LOC400499: variants seen among roughly 807,000 people sequenced by gnomAD.
chr16:11,460,162 G>C, the LOC400499 span: 4 of 998,868 alleles, frequency 4.0e-6, no homozygotes, highest in African/African-American at 6.6e-5. Context: ...TTTCAGAAGA[G>C]ACGGTTCTGT....
chr16:11,376,986 C>A, the LOC400499 span, among the ~76,000 whole-genome samples: 1 of 147,442 alleles, frequency 6.8e-6, no homozygotes, highest in East Asian at 2.0e-4. Flanking sequence ...GTTGCCCAGG[C>A]TGGAGTACAG....
the LOC400499 span, chr16:11,430,969 T>C: frequency 2.5e-6 from 1 of 398,666 alleles, no homozygotes; most frequent in Non-Finnish European, 4.4e-6. Flanking sequence ...TGGGTGGAAA[T>C]GAATCTACCT....
At chr16:11,424,066 C>A in the LOC400499 span, 5 of 399,232 alleles carry the variant, frequency 1.3e-5, no homozygotes, top group Middle Eastern at 6.3e-4. Context: ...CTGGGACCCA[C>A]TGGCCCCCGA....
At chr16:11,400,027 C>T in the LOC400499 span, among the ~76,000 whole-genome samples, 330 of 150,662 alleles carry the variant, frequency 2.2e-3, 1 homozygote, top group African/African-American at 7.5e-3. Context: ...AGCTCAGAGC[C>T]ATTCCCAGGC....
chr16:11,486,702 G>A, the LOC400499 span, among the ~76,000 whole-genome samples: 2 of 122,312 alleles, frequency 1.6e-5, no homozygotes, highest in Non-Finnish European at 3.4e-5. Flanking sequence ...TGATGGGTGG[G>A]TGGTAGGATG....
At chr16:11,382,363 G>A in the LOC400499 span, among the ~76,000 whole-genome samples, 6 of 152,184 alleles carry the variant, frequency 3.9e-5, 1 homozygote, top group South Asian at 4.1e-4. Context: ...TCTGGCATCT[G>A]AAGCTCTTGG....
the LOC400499 span, among the ~76,000 whole-genome samples, chr16:11,376,738 G>A: frequency 1.3e-5 from 2 of 152,094 alleles, no homozygotes; most frequent in African/African-American, 4.8e-5. Flanking sequence ...AAATGCCACT[G>A]GGATTTTGAT....
chr16:11,493,296 T>C, the LOC400499 span, among the ~76,000 whole-genome samples: 6 of 152,182 alleles, frequency 3.9e-5, no homozygotes, highest in African/African-American at 9.7e-5. Context: ...AAAGCAGCCA[T>C]AGATAACACC....
the LOC400499 span, among the ~76,000 whole-genome samples, chr16:11,439,914 T>G: frequency 1.3e-5 from 2 of 152,028 alleles, no homozygotes; most frequent in African/African-American, 2.4e-5. Context: ...AGGTTCACAA[T>G]GACCACCTCA....
chr16:11,406,786 C>T, the LOC400499 span, among the ~76,000 whole-genome samples: 1 of 152,226 alleles, frequency 6.6e-6, no homozygotes, highest in Non-Finnish European at 1.5e-5. Context: ...GCTCATGTGT[C>T]GTCTCTTCAG....
chr16:11,450,561 C>G, the LOC400499 span: 1 of 1,514,194 alleles, frequency 6.6e-7, no homozygotes, highest in Non-Finnish European at 8.9e-7. Flanking sequence ...AGAAAAAGAT[C>G]TCAGTGGCAG....
the LOC400499 span, among the ~76,000 whole-genome samples, chr16:11,466,582 T>A: frequency 1.3e-5 from 2 of 151,880 alleles, no homozygotes; most frequent in South Asian, 4.2e-4. Context: ...AGAGACGGGG[T>A]TTTGCCATGT....
At chr16:11,493,593 G>C in the LOC400499 span, 1 of 395,848 alleles carries the variant, frequency 2.5e-6, no homozygotes, top group Non-Finnish European at 4.5e-6. Flanking sequence ...TGTGGTTCGA[G>C]ACCCACCACC....
At chr16:11,482,227 A>C in the LOC400499 span, among the ~76,000 whole-genome samples, 1 of 152,164 alleles carries the variant, frequency 6.6e-6, no homozygotes, top group Non-Finnish European at 1.5e-5. Flanking sequence ...TCCTGCCTGG[A>C]GACAGTGTCC....
chr16:11,486,186 AAATGATGGGTGGGTGGATGAATG>A, the LOC400499 span, among the ~76,000 whole-genome samples: 1 of 117,018 alleles, frequency 8.5e-6, no homozygotes, highest in Admixed American at 9.5e-5. Flanking sequence ...GTGGGCGGAT[AAATGATGGGTGGGTGGATGAATG>A]GATGATGGGT....
chr16:11,399,814 A>G, the LOC400499 span: 1 of 398,804 alleles, frequency 2.5e-6, no homozygotes, highest in Non-Finnish European at 4.4e-6. Context: ...GGTGAGCTGC[A>G]CCTGCATTGG....
chr16:11,390,419 G>T, the LOC400499 span: 4 of 1,252,080 alleles, frequency 3.2e-6, no homozygotes, highest in Non-Finnish European at 2.0e-6. Context: ...TCCAGGGGCC[G>T]CAGTGTCACC....
chr16:11,446,764 T>C, the LOC400499 span: 2 of 1,536,004 alleles, frequency 1.3e-6, no homozygotes, highest in South Asian at 2.4e-5. Flanking sequence ...GTGTCCGGCC[T>C]GGCAGCCCAG....
chr16:11,432,676 A>AC, the LOC400499 span, among the ~76,000 whole-genome samples: 2 of 152,226 alleles, frequency 1.3e-5, no homozygotes. Context: ...CTATCATCAC[A>AC]CAGTGAGTTC....
Sources: gnomAD v4.1 joint callset for allele counts (sites outside exome capture counted in the v4.1 genomes callset) on GRCh38, gnomAD v4.1.1 for gene constraint, MANE v1.5 for transcripts.